The following SNX29 variants were observed in gnomAD, a reference collection of about 807,000 sequenced individuals.
SNX29 encodes sorting nexin-29.
SNX29 carries 78 observed loss-of-function variants against 102.1 expected under a neutral mutation model. The ratio of observed to expected loss-of-function variants is 0.76; its 90% CI spans 0.64 to 0.92. The LOEUF is 0.92. Ranked by LOEUF, SNX29 falls within the 40% of genes least tolerant of loss-of-function variation. The pLI, the probability that SNX29 is intolerant of heterozygous loss-of-function variation, is 0.00. For missense variants in SNX29, 1,280 were observed against 1,061.7 expected, an observed-to-expected ratio of 1.21 and a Z score of -2.86; for synonymous variants, 580 against 414.5, an observed-to-expected ratio of 1.40 and a Z score of -4.85.
At chr16:12,529,066 C>G (rs1473269166) in intron 20 of SNX29, among the ~76,000 whole-genome samples, 1 of 152,242 alleles carries the variant, frequency 6.6e-6, no homozygotes, top group Non-Finnish European at 1.5e-5. Context: ...AATCTGCCAT[C>G]TGCACAAATC....
chr16:12,112,454 C>G (rs76753798), intron 11 of SNX29, among the ~76,000 whole-genome samples: 1 of 151,926 alleles, frequency 6.6e-6, no homozygotes, highest in Non-Finnish European at 1.5e-5. Context: ...GTCCCATCCA[C>G]GTGTATTCAT....
At chr16:12,112,171 G>A (rs146157245) in intron 11 of SNX29, among the ~76,000 whole-genome samples, 1 of 152,314 alleles carries the variant, frequency 6.6e-6, no homozygotes, top group African/African-American at 2.4e-5. Flanking sequence ...CTTCGTAGAA[G>A]ACAGGGTCGG....
In SNX29 at chr16:12,399,032, C is replaced by T. The variant is rs570436007; in HGVS notation, c.1955+531C>T. ...TATTTGGCACCTCTGCTGAGCCACC[C>T]ATAGGGAGAGATTAGTTGGTCATCA... On this transcript the variant is annotated intron_variant, in intron 17 of 20. Coordinates refer to ENST00000566228, the MANE Select transcript of SNX29 (RefSeq NM_032167.5). Among the ~76,000 whole-genome samples, 107 of 152,060 alleles carry T rather than the reference C, an allele frequency of 7.0e-4. 2 individuals carry two copies. The East Asian group carries it at 0.016, about 23-fold the overall frequency.
intron 18 of SNX29, among the ~76,000 whole-genome samples, chr16:12,462,760 G>A (rs2086864227): frequency 6.6e-6 from 1 of 152,232 alleles, no homozygotes; most frequent in Middle Eastern, 3.2e-3. Flanking sequence ...GAGAGAAGCA[G>A]AAGCCTGCTC....
chr16:12,561,512 CAA>C (rs2078722474), intron 20 of SNX29, among the ~76,000 whole-genome samples: 1 of 152,128 alleles, frequency 6.6e-6, no homozygotes, highest in Non-Finnish European at 1.5e-5. Flanking sequence ...ACAGGTGAAA[CAA>C]AGTGAAAAGT....
intron 20 of SNX29, among the ~76,000 whole-genome samples, chr16:12,542,994 C>G (rs575228106): frequency 9.2e-5 from 14 of 152,218 alleles, no homozygotes; most frequent in Non-Finnish European, 1.6e-4. Context: ...ACTATGAAGT[C>G]CAGGGACTTG....
At chr16:12,256,488 C>T (rs533301967) in intron 14 of SNX29, among the ~76,000 whole-genome samples, 35 of 152,200 alleles carry the variant, frequency 2.3e-4, no homozygotes, top group African/African-American at 6.0e-4. Context: ...CCATCATGCC[C>T]GGCTAGTTTT....
intron 19 of SNX29, among the ~76,000 whole-genome samples, chr16:12,506,947 A>G (rs2089406529): frequency 6.6e-6 from 1 of 152,234 alleles, no homozygotes; most frequent in South Asian, 2.1e-4. Context: ...TTGTCTGACA[A>G]AGCTCTGAAC....
chr16:12,168,686 G>A (rs547098190), intron 13 of SNX29, among the ~76,000 whole-genome samples: 15 of 152,302 alleles, frequency 9.8e-5, no homozygotes, highest in South Asian at 8.3e-4. Flanking sequence ...ACACAGAGGC[G>A]CTTCAGCCAC....
chr16:12,187,325 C>G (rs1044807602), intron 13 of SNX29, among the ~76,000 whole-genome samples: 3 of 152,152 alleles, frequency 2.0e-5, no homozygotes, highest in Non-Finnish European at 4.4e-5. Context: ...TTTGGGAGGC[C>G]AAGGCGGGTA....
intron 18 of SNX29, among the ~76,000 whole-genome samples, chr16:12,446,189 G>A (rs2086044776): frequency 6.6e-6 from 1 of 151,602 alleles, no homozygotes; most frequent in Non-Finnish European, 1.5e-5. Flanking sequence ...CTGAGTAGCT[G>A]GGACTAGAGT....
At chr16:12,448,674 C>T (rs1044884800) in intron 18 of SNX29, among the ~76,000 whole-genome samples, 3 of 152,080 alleles carry the variant, frequency 2.0e-5, no homozygotes, top group Non-Finnish European at 4.4e-5. Context: ...CTGACTTTAT[C>T]GCATTCCACC....
intron 20 of SNX29, among the ~76,000 whole-genome samples, chr16:12,533,914 A>C (rs1214983109): frequency 6.6e-6 from 1 of 152,262 alleles, no homozygotes; most frequent in South Asian, 2.1e-4. Context: ...GCACATCTTC[A>C]TATAAAATCT....
At position 12,199,643 on chromosome 16, in the gene SNX29, A is replaced by G. The variant is rs765284156; in HGVS notation, c.1638A>G (p.Gly546=). ...VLKVQLKKYV[G]AVQMLKREGQ... Reference sequence around the variant, plus strand: ...AAGTCCAACTGAAGAAATATGTAGGAGCTGTCCAGATGCTGAAAAGAGAAG... The same window carrying G: ...AAGTCCAACTGAAGAAATATGTAGGGGCTGTCCAGATGCTGAAAAGAGAAG... Residue 546 remains glycine (G), a synonymous_variant, in exon 14 of 21, where the codon GGA becomes GGG. Transcript: ENST00000566228. 2 of 1,613,316 alleles carry G rather than the reference A, an allele frequency of 1.2e-6. No homozygotes were observed. Among genetic ancestry groups the G allele is most frequent in the Admixed American group, 1.7e-5 (1 of 59,982 alleles).
chr16:12,374,605 C>G (rs2082805855), intron 16 of SNX29: 1 of 152,214 alleles, frequency 6.6e-6, no homozygotes, highest in Non-Finnish European at 1.5e-5. Context: ...TTGATGCTAG[C>G]CCGGCTTTAA....
At chr16:12,538,712 A>C (rs1255557923) in intron 20 of SNX29, among the ~76,000 whole-genome samples, 4 of 152,168 alleles carry the variant, frequency 2.6e-5, no homozygotes, top group African/African-American at 7.2e-5. Context: ...CTGGGCATGT[A>C]CATCAGGGAG....
At chr16:12,041,331 C>T (rs775527751) in intron 4 of SNX29, among the ~76,000 whole-genome samples, 3 of 152,126 alleles carry the variant, frequency 2.0e-5, no homozygotes, top group Non-Finnish European at 2.9e-5. Flanking sequence ...AGGCTGATCT[C>T]GAACCCCTGA....
At chr16:12,490,834 C>T (rs150674388) in intron 19 of SNX29, among the ~76,000 whole-genome samples, 26 of 152,312 alleles carry the variant, frequency 1.7e-4, no homozygotes, top group African/African-American at 4.3e-4. Context: ...TGAACACACA[C>T]GTATAACCAT....
intron 19 of SNX29, among the ~76,000 whole-genome samples, chr16:12,506,112 C>T (rs1215656488): frequency 6.6e-6 from 1 of 152,202 alleles, no homozygotes. Context: ...AGGTATGTGC[C>T]AGCACACCTG....
Sources: gnomAD v4.1 joint callset for allele counts (sites outside exome capture counted in the v4.1 genomes callset) on GRCh38, gnomAD v4.1.1 for gene constraint, MANE v1.5 for transcripts, NCBI Gene and HGNC (gene_info 2026-07-23, HGNC 2026-07-21) for gene names.